CTNND2: variants seen among roughly 807,000 people sequenced by gnomAD.
CTNND2 encodes the protein catenin delta-2.
CTNND2 carries 22 observed loss-of-function variants against 144.4 expected under a neutral mutation model. That is an observed-to-expected ratio of 0.15 (90% CI 0.11 to 0.22). CTNND2 has a LOEUF of 0.22. Ranked by LOEUF, CTNND2 falls within the 10% of genes least tolerant of loss-of-function variation. The pLI is 1.00. For missense variants in CTNND2, 1,353 were observed against 1,618.8 expected (o/e 0.84, Z 2.82); for synonymous variants, 751 against 695.6 (o/e 1.08, Z -1.25).
At chr5:11,124,361 A>C (rs971224851) in intron 12 of CTNND2, among the ~76,000 whole-genome samples, 2 of 152,228 alleles carry the variant, frequency 1.3e-5, no homozygotes, top group Admixed American at 1.3e-4. Context: ...ACATCCTTAC[A>C]TCCTCGATGG....
At chr5:11,127,424 A>G (rs1049586005) in intron 12 of CTNND2, among the ~76,000 whole-genome samples, 3 of 152,176 alleles carry the variant, frequency 2.0e-5, no homozygotes, top group Non-Finnish European at 4.4e-5. Flanking sequence ...TTTGCACGAT[A>G]CTCAAAAGTG....
chr5:11,702,085 G>A (rs1581743842), intron 2 of CTNND2, among the ~76,000 whole-genome samples: 1 of 152,282 alleles, frequency 6.6e-6, no homozygotes, highest in African/African-American at 2.4e-5. Flanking sequence ...ACTGCAGGAA[G>A]AAACACAGTG....
At chr5:11,659,826 T>A (rs1783099283) in intron 2 of CTNND2, among the ~76,000 whole-genome samples, 1 of 152,202 alleles carries the variant, frequency 6.6e-6, no homozygotes, top group East Asian at 1.9e-4. Flanking sequence ...TAACTATTTA[T>A]GTCATGAGTG....
intron 10 of CTNND2, among the ~76,000 whole-genome samples, chr5:11,210,044 C>T (rs1738468894): frequency 6.6e-6 from 1 of 152,150 alleles, no homozygotes; most frequent in African/African-American, 2.4e-5. Context: ...TTTTCTTTCT[C>T]CTCCTCCACT....
chr5:11,277,560 GTC>G (rs1214586424), intron 9 of CTNND2, among the ~76,000 whole-genome samples: 1 of 139,560 alleles, frequency 7.2e-6, no homozygotes, highest in Non-Finnish European at 1.6e-5. Context: ...TTGAGATGGA[GTC>G]TCTCTCTTAC....
intron 9 of CTNND2, among the ~76,000 whole-genome samples, chr5:11,262,534 G>A (rs905431750): frequency 6.6e-5 from 10 of 151,880 alleles, no homozygotes; most frequent in South Asian, 2.1e-4. Flanking sequence ...AGGCCGAGGC[G>A]GGTGGATCAC....
intron 2 of CTNND2, chr5:11,588,732 T>C: frequency 1.0e-6 from 1 of 984,562 alleles, no homozygotes; most frequent in Non-Finnish European, 1.2e-6. Flanking sequence ...TTTTGTCTTT[T>C]ACCTTTACTG....
chr5:11,201,162 T>C (rs1334937683), intron 10 of CTNND2, among the ~76,000 whole-genome samples: 1 of 152,262 alleles, frequency 6.6e-6, no homozygotes, highest in East Asian at 1.9e-4. Context: ...TTATCATTAT[T>C]GTCCGTCTTC....
intron 9 of CTNND2, among the ~76,000 whole-genome samples, chr5:11,270,561 T>C (rs1745896169): frequency 6.6e-6 from 1 of 152,168 alleles, no homozygotes; most frequent in Admixed American, 6.5e-5. Flanking sequence ...TGAATTAATT[T>C]TTATTCAACA....
At chr5:11,890,751 C>T (rs577654038) in intron 1 of CTNND2, among the ~76,000 whole-genome samples, 5 of 152,130 alleles carry the variant, frequency 3.3e-5, no homozygotes, top group Non-Finnish European at 4.4e-5. Context: ...TTCTATCACT[C>T]ATATGTTATG....
At chr5:11,653,383 C>A (rs1782747429) in intron 2 of CTNND2, among the ~76,000 whole-genome samples, 1 of 152,056 alleles carries the variant, frequency 6.6e-6, no homozygotes, top group Non-Finnish European at 1.5e-5. Context: ...TTTCTCCTCA[C>A]CTCAGTAACA....
At chr5:10,991,173 T>A (rs1485742615) in intron 19 of CTNND2, among the ~76,000 whole-genome samples, 1 of 152,230 alleles carries the variant, frequency 6.6e-6, no homozygotes, top group Non-Finnish European at 1.5e-5. Context: ...TTCACAGAGC[T>A]GGGAGCGGGC....
rs1013570682 is a variant in CTNND2 at position 11,904,244 on chromosome 5, C to A, written c.-391G>T. Among the ~76,000 whole-genome samples the A allele has an allele frequency of 4.8e-5, 7 of 145,810 alleles. No homozygotes were observed. Among genetic ancestry groups the A allele is most frequent in the African/African-American group, 1.7e-4 (7 of 40,850 alleles). On this transcript the variant is annotated 5_prime_UTR_variant, in exon 1 of 22. Coordinates refer to ENST00000304623, the MANE Select transcript of CTNND2 (RefSeq NM_001332.4). The surrounding 1 kb of genome is among the most constrained non-coding windows in gnomAD (Gnocchi z 4.2). ...GCCGCGGGCGCGAGCCTGGGGCCGC[C>A]GCGGCGCCCGGCGCCGAGCGCTCCC...
chr5:11,030,542 T>A (rs937508372), intron 16 of CTNND2, among the ~76,000 whole-genome samples: 1 of 152,110 alleles, frequency 6.6e-6, no homozygotes, highest in African/African-American at 2.4e-5. Context: ...TTTAGTGAAT[T>A]TTTCATTTCA....
At chr5:11,009,690 G>C (rs892024339) in intron 18 of CTNND2, among the ~76,000 whole-genome samples, 1 of 152,226 alleles carries the variant, frequency 6.6e-6, no homozygotes, top group African/African-American at 2.4e-5. Context: ...TTGTGAAATG[G>C]TGGAATTATA....
intron 9 of CTNND2, among the ~76,000 whole-genome samples, chr5:11,269,585 A>G (rs1171713558): frequency 6.6e-6 from 1 of 152,240 alleles, no homozygotes; most frequent in Non-Finnish European, 1.5e-5. Flanking sequence ...GAACTGACAT[A>G]GATTGCTATG....
chr5:11,392,949 G>T (rs1460891815), intron 6 of CTNND2, among the ~76,000 whole-genome samples: 1 of 152,086 alleles, frequency 6.6e-6, no homozygotes, highest in East Asian at 1.9e-4. Flanking sequence ...CAACACTCAA[G>T]ACATAGGTGT....
intron 2 of CTNND2, among the ~76,000 whole-genome samples, chr5:11,710,470 G>A (rs1268294043): frequency 6.6e-6 from 1 of 151,478 alleles, no homozygotes; most frequent in Non-Finnish European, 1.5e-5. Context: ...AAACCAGGAG[G>A]TGGAGGTTGC....
chr5:11,810,666 A>C (rs1393477343), intron 1 of CTNND2, among the ~76,000 whole-genome samples: 1 of 152,224 alleles, frequency 6.6e-6, no homozygotes, highest in Non-Finnish European at 1.5e-5. Context: ...ATTATAAGGC[A>C]TGATTGTAAT....
Sources: gnomAD v4.1 joint callset for allele counts (sites outside exome capture counted in the v4.1 genomes callset) on GRCh38, gnomAD v4.1.1 for gene constraint, Gnocchi (gnomAD v3.1) non-coding constraint, MANE v1.5 for transcripts, NCBI Gene and HGNC (gene_info 2026-07-23, HGNC 2026-07-21) for gene names.